Variants in IQCJ observed in about 807,000 individuals in gnomAD.
IQCJ encodes IQ domain-containing protein J.
IQCJ carries 9 observed loss-of-function variants against 11.0 expected under a neutral mutation model. That is an observed-to-expected ratio of 0.82 (90% confidence interval 0.49 to 1.43). The LOEUF (loss-of-function observed/expected upper bound fraction) is 1.43, where lower values mean the gene tolerates loss of function less well. IQCJ is among the 40% of genes most tolerant of loss of function. The probability of loss-of-function intolerance (pLI) is 0.00; values close to 1 mark genes in which losing one functional copy is unlikely to be tolerated. For synonymous variants in IQCJ, 55 were observed against 51.3 expected, an observed-to-expected ratio of 1.07 and a Z score of -0.31; for missense variants, 146 against 133.2, an observed-to-expected ratio of 1.10 and a Z score of -0.47.
At position 159,241,357 on chromosome 3, in the gene IQCJ, C is replaced by T. The variant is rs61795168; in HGVS notation, c.10-4486C>T. On this transcript the variant is annotated intron_variant, in intron 1 of 3. Coordinates refer to ENST00000397832, the MANE Select transcript of IQCJ (RefSeq NM_001042706.3). ...CTGGGAGGTGGAGGTTGCAGTGAGC[C>T]GAGATCGCACCACTGTACTCCAGCC... Among the ~76,000 whole-genome samples the T allele has an allele frequency of 9.6e-3, 1,461 of 151,800 alleles. 14 individuals carry two copies. The highest frequency in any genetic ancestry group is 0.014 in the African/African-American group (565 of 41,382).
chr3:159,144,426 A>G (rs1367551507), intron 1 of IQCJ, among the ~76,000 whole-genome samples: 2 of 152,198 alleles, frequency 1.3e-5, no homozygotes, highest in African/African-American at 2.4e-5. Flanking sequence ...TCTGATACCA[A>G]CCCTAGGCTG....
intron 1 of IQCJ, among the ~76,000 whole-genome samples, chr3:159,209,735 G>A (rs1724852457): frequency 1.3e-5 from 2 of 152,112 alleles, no homozygotes; most frequent in South Asian, 4.2e-4. Flanking sequence ...AGGGGTTTGA[G>A]CTGGAAGCCA....
chr3:159,260,954 C>T (rs749613479), intron 3 of IQCJ, among the ~76,000 whole-genome samples: 2 of 152,148 alleles, frequency 1.3e-5, no homozygotes, highest in Non-Finnish European at 2.9e-5. Context: ...GAATTGGCTA[C>T]TGACCCAAAA....
At chr3:159,111,732 A>G (rs1718644684) in intron 1 of IQCJ, among the ~76,000 whole-genome samples, 1 of 152,200 alleles carries the variant, frequency 6.6e-6, no homozygotes. Context: ...ACATTCCCAG[A>G]GGTGATTCAG....
chr3:159,072,265 T>C (rs1314548970), intron 1 of IQCJ, among the ~76,000 whole-genome samples: 1 of 151,704 alleles, frequency 6.6e-6, no homozygotes, highest in African/African-American at 2.4e-5. Context: ...ACAGTTAGGG[T>C]GGGGAGGGCA....
At chr3:159,203,207 T>A (rs745628259) in intron 1 of IQCJ, among the ~76,000 whole-genome samples, 1 of 147,086 alleles carries the variant, frequency 6.8e-6, no homozygotes, top group Non-Finnish European at 1.5e-5. Context: ...TTCCCTTTTC[T>A]TGGGTCATCT....
chr3:159,074,083 G>A (rs577343057), intron 1 of IQCJ, among the ~76,000 whole-genome samples: 1 of 152,138 alleles, frequency 6.6e-6, no homozygotes, highest in East Asian at 1.9e-4. Flanking sequence ...AAAGTAAATT[G>A]GAGCTGGCCG....
Position 159,107,877 on chromosome 3 carries a change from T to C in IQCJ, c.9+38436T>C, listed in dbSNP as rs754324383. 4.6e-5 allele frequency among the ~76,000 whole-genome samples: 7 copies of C among 152,092 alleles called. No individual in the cohort carries two copies. The South Asian group carries it at 8.3e-4, about 18-fold the overall frequency. On this transcript the variant is annotated intron_variant, in intron 1 of 3. Coordinates refer to ENST00000397832, the MANE Select transcript of IQCJ (RefSeq NM_001042706.3). ...CTGGATGTCCTGGACAAGTTGAGCA[T>C]TGGGGACAGACAGGCATAACAGGCA...
At chr3:159,135,727 A>G (rs1720251793) in intron 1 of IQCJ, among the ~76,000 whole-genome samples, 1 of 152,172 alleles carries the variant, frequency 6.6e-6, no homozygotes, top group South Asian at 2.1e-4. Context: ...GCCATACCAA[A>G]TGCAAGGGAG....
At chr3:159,176,264 A>T (rs1227448909) in intron 1 of IQCJ, among the ~76,000 whole-genome samples, 1 of 151,982 alleles carries the variant, frequency 6.6e-6, no homozygotes, top group East Asian at 1.9e-4. Context: ...GTACCTTTTT[A>T]AAAAGCTAAA....
intron 1 of IQCJ, among the ~76,000 whole-genome samples, chr3:159,187,854 A>C (rs922123119): frequency 2.6e-5 from 4 of 152,128 alleles, no homozygotes; most frequent in African/African-American, 9.7e-5. Flanking sequence ...AGGCTTCAGC[A>C]AGCAGGACCT....
chr3:159,165,030 A>C (rs914693167), intron 1 of IQCJ, among the ~76,000 whole-genome samples: 1 of 152,114 alleles, frequency 6.6e-6, no homozygotes, highest in Non-Finnish European at 1.5e-5. Flanking sequence ...TTATTCACCA[A>C]AATTAGGCAC....
chr3:159,238,283 T>C (rs1340583061), intron 1 of IQCJ, among the ~76,000 whole-genome samples: 1 of 152,196 alleles, frequency 6.6e-6, no homozygotes, highest in Non-Finnish European at 1.5e-5. Flanking sequence ...AGTGCCTCCC[T>C]CTGCTCAAAC....
At position 159,235,095 on chromosome 3, in the gene IQCJ, T is replaced by C. The variant is rs182298854; in HGVS notation, c.10-10748T>C. ...TGCTTTCTGAGAGGTGTTTATTTGT[T>C]GGCTTCTGTGCTTATTTGTACTTGT... On this transcript the variant is annotated intron_variant, in intron 1 of 3. Coordinates refer to ENST00000397832, the MANE Select transcript of IQCJ (RefSeq NM_001042706.3). Among the ~76,000 whole-genome samples the C allele has an allele frequency of 2.8e-3, 422 of 152,338 alleles. 4 individuals are homozygous for C. The highest frequency in any genetic ancestry group is 9.0e-3 in the African/African-American group (375 of 41,568).
intron 1 of IQCJ, among the ~76,000 whole-genome samples, chr3:159,115,636 G>C (rs775393658): frequency 6.6e-6 from 1 of 152,116 alleles, no homozygotes; most frequent in Non-Finnish European, 1.5e-5. Context: ...TCTTTGTCTT[G>C]TTTAGTTCTT....
chr3:159,194,180 G>A (rs1282062514), intron 1 of IQCJ, among the ~76,000 whole-genome samples: 1 of 152,130 alleles, frequency 6.6e-6, no homozygotes, highest in African/African-American at 2.4e-5. Flanking sequence ...CTGAAAACTT[G>A]CTCAGATATG....
At chr3:159,070,978 C>T (rs1334595211) in intron 1 of IQCJ, among the ~76,000 whole-genome samples, 3 of 151,946 alleles carry the variant, frequency 2.0e-5, no homozygotes, top group African/African-American at 4.8e-5. Context: ...GGATTTACTT[C>T]GCATTGTGGA....
chr3:159,116,959 G>A (rs942385344), intron 1 of IQCJ, among the ~76,000 whole-genome samples: 18 of 151,976 alleles, frequency 1.2e-4, no homozygotes, highest in East Asian at 5.8e-4. Context: ...GTGAATGGAG[G>A]TAGGGAGGAA....
chr3:159,223,931 C>T lies in IQCJ; in HGVS notation c.10-21912C>T, dbSNP rs543129323. On this transcript the variant is annotated intron_variant, in intron 1 of 3. Transcript: ENST00000397832. ...GTCCCATCCCCAAGATATCTCATTA[C>T]GTATGTGCAAATATTCTAAAATAAA... Among the ~76,000 whole-genome samples the T allele has an allele frequency of 1.3e-4, 20 of 152,046 alleles. 1 individual carries two copies. In the South Asian group the frequency reaches 1.7e-3, roughly 13 times the overall value.
Sources: allele counts gnomAD v4.1 joint callset (sites outside exome capture counted in the v4.1 genomes callset), GRCh38; gene constraint gnomAD v4.1.1; transcripts MANE v1.5; gene names NCBI Gene and HGNC (gene_info 2026-07-23, HGNC 2026-07-21).